CIT: variants seen among roughly 807,000 people sequenced by gnomAD.
CIT encodes citron rho-interacting serine/threonine kinase.
In CIT, 79 loss-of-function variants were observed where a neutral mutation model predicts 272.7. The ratio of observed to expected loss-of-function variants is 0.29; its 90% confidence interval spans 0.24 to 0.35. The LOEUF (loss-of-function observed/expected upper bound fraction) is 0.35. CIT is among the 10% of genes least tolerant of loss of function. The pLI is 1.00. For missense variants in CIT, 1,909 were observed against 2,618.3 expected (o/e 0.73, Z 5.91); for synonymous variants, 948 against 995.6 (o/e 0.95, Z 0.90).
Position 119,758,628 on chromosome 12 carries a change from G to T in CIT, c.2494C>A (p.Leu832Ile). Residue 832 changes from leucine to isoleucine, a missense_variant, in exon 21 of 48, where the codon CTT becomes ATT. Physicochemically the swap from Leu to Ile is conservative, Grantham distance 5. Transcript: ENST00000392521. The part of the protein sequence containing the change: ...RIVELSEANK[L>I]AANSSLFTQR... ...GTAAAAAGACTGCTATTTGCTGCAA[G>T]TTTATTGGCTTCAGACAGTTCCACA... 6.2e-7 allele frequency: 1 copy of T among 1,613,668 alleles called. No homozygotes were observed. Among genetic ancestry groups the T allele is most frequent in the Non-Finnish European group, 8.5e-7 (1 of 1,179,550 alleles).
chr12:119,848,621 A>G (rs1056491406), intron 5 of CIT, among the ~76,000 whole-genome samples: 6 of 152,250 alleles, frequency 3.9e-5, no homozygotes, highest in Non-Finnish European at 5.9e-5. Flanking sequence ...CTGACAAGGA[A>G]GAAAGGATGT....
chr12:119,818,587 G>A (rs370402970), intron 9 of CIT, among the ~76,000 whole-genome samples: 13 of 152,158 alleles, frequency 8.5e-5, no homozygotes, highest in African/African-American at 2.9e-4. Flanking sequence ...AGTCACTGCC[G>A]GATGGAAACA....
At position 119,687,948 on chromosome 12, in the gene CIT, A is replaced by C. The variant is rs1955668262; in HGVS notation, c.*284T>G. On this transcript the variant is annotated 3_prime_UTR_variant, in exon 48 of 48. Transcript: ENST00000392521. ...TGATGAACTAACTGGTACAGGCTAGAGCTAGGTACAAAAGTTTGTGAATGC... is the reference window on the plus strand; with the variant it reads ...TGATGAACTAACTGGTACAGGCTAGCGCTAGGTACAAAAGTTTGTGAATGC... 1 of 492,536 alleles carries C rather than the reference A, an allele frequency of 2.0e-6. No individual in the cohort carries two copies. Among genetic ancestry groups the C allele is most frequent in the Non-Finnish European group, 3.6e-6 (1 of 277,068 alleles). The allele number at this position is 492,536 out of a possible 1,614,324, so 30.5% of individuals were successfully genotyped here. A position where few individuals can be genotyped will look rare whatever the true frequency, so the allele number is the denominator to read the frequency against.
chr12:119,758,711 G>A lies in CIT; in HGVS notation c.2422-11C>T. Reference sequence around the variant, plus strand: ...CATAGCATTGATCATCTGAAACACAGGGCACCTATGAAACTTCACACACCA... The same window carrying A: ...CATAGCATTGATCATCTGAAACACAAGGCACCTATGAAACTTCACACACCA... On this transcript the variant is annotated splice_polypyrimidine_tract_variant and intron_variant, in intron 20 of 47. Transcript: ENST00000392521. The A allele has an allele frequency of 1.3e-6, 2 of 1,557,936 alleles. No individual in the cohort carries two copies. The highest frequency in any genetic ancestry group is 1.8e-6 in the Non-Finnish European group (2 of 1,128,832).
intron 4 of CIT, among the ~76,000 whole-genome samples, chr12:119,855,873 G>T (rs1970552659): frequency 6.6e-6 from 1 of 152,038 alleles, no homozygotes; most frequent in African/African-American, 2.4e-5. Context: ...AGCATCACAA[G>T]GTCAGGGCTA....
chr12:119,795,804 C>T (rs1965685718), intron 10 of CIT, among the ~76,000 whole-genome samples: 1 of 152,174 alleles, frequency 6.6e-6, no homozygotes, highest in Non-Finnish European at 1.5e-5. Flanking sequence ...ATATCAGCTA[C>T]CTCATAGAGT....
chr12:119,869,072 A>G lies in CIT; in HGVS notation c.226T>C (p.Phe76Leu). The G allele has an allele frequency of 1.2e-6, 2 of 1,610,460 alleles. No individual in the cohort carries two copies. The highest frequency in any genetic ancestry group is 1.7e-6 in the Non-Finnish European group (2 of 1,179,336). ...ALMKIKHVSN[F>L]VRKYSDTIAE... ...TCCCCAAACTTACACTTCCGGACAA[A>G]GTTGCTCACGTGCTTAATCTTCATC... Residue 76 changes from phenylalanine (F) to leucine (L), a missense_variant, in exon 3 of 48, where the codon TTT (phenylalanine) becomes CTT (leucine). By Grantham distance (22) the Phe-to-Leu change is conservative. This residue lies in a region of CIT where 529 missense variants were observed against 549.6 expected (regional missense o/e 0.96). Transcript: ENST00000392521.
intron 2 of CIT, among the ~76,000 whole-genome samples, chr12:119,875,758 G>C (rs1282633713): frequency 6.6e-6 from 1 of 152,118 alleles, no homozygotes; most frequent in African/African-American, 2.4e-5. Flanking sequence ...AAGGCAGGTG[G>C]ATCACTTGAG....
intron 20 of CIT, 102 bp downstream of exon 20, chr12:119,760,837 G>T (rs944612126): frequency 7.5e-6 from 6 of 801,132 alleles, no homozygotes; most frequent in Non-Finnish European, 6.5e-6. Context: ...GGATTCAACA[G>T]AAGGAATTTC....
chr12:119,818,956 C>T (rs1242943845), intron 9 of CIT, among the ~76,000 whole-genome samples: 1 of 152,102 alleles, frequency 6.6e-6, no homozygotes, highest in African/African-American at 2.4e-5. Context: ...GTACACGATG[C>T]CAGGCAAGGT....
chr12:119,716,534 T>G (rs1957496333), intron 32 of CIT, among the ~76,000 whole-genome samples: 1 of 152,046 alleles, frequency 6.6e-6, no homozygotes, highest in Non-Finnish European at 1.5e-5. Context: ...CAGGTTTGAT[T>G]GCAATGCCAT....
chr12:119,716,378 CAAAAAAAAAAAAAAAAAAAA>C (rs35690078), intron 32 of CIT, among the ~76,000 whole-genome samples: 9 of 17,804 alleles, frequency 5.1e-4, no homozygotes, highest in South Asian at 4.2e-3. Flanking sequence ...GACTCTGTCT[CAAAAAAAAAAAAAAAAAAAA>C]AAAAAAAAAA....
intron 4 of CIT, 72 bp downstream of exon 4, chr12:119,857,451 A>G (rs974730513): frequency 6.1e-6 from 9 of 1,483,672 alleles, no homozygotes; most frequent in Non-Finnish European, 8.3e-6. Context: ...ACGCCAGTGC[A>G]GCAGATTATC....
At position 119,701,878 on chromosome 12, in the gene CIT, T is replaced by C. The variant is rs567861274; in HGVS notation, c.5385A>G (p.Glu1795=). The change falls in exon 42 of 48, where the codon GAA becomes GAG. Residue 1795 remains glutamate (E), a synonymous_variant. Transcript: ENST00000392521. ...SILIGTNKFY[E]IDMKQYTLEE... ...CGAGCGTGTACTGCTTCATGTCGAT[T>C]TCGTAGAATTTATTGGTTCCAATGA... 5 of 1,614,142 alleles carry C rather than the reference T, an allele frequency of 3.1e-6. No individual in the cohort carries two copies. The Admixed American group carries it at 6.7e-5, about 22-fold the overall frequency.
intron 23 of CIT, among the ~76,000 whole-genome samples, chr12:119,747,917 A>C (rs1475953132): frequency 6.6e-6 from 1 of 152,180 alleles, no homozygotes; most frequent in Non-Finnish European, 1.5e-5. Context: ...TAATCCCAGC[A>C]CTTTGAGAGA....
At chr12:119,727,830 T>A (rs1238447767) in intron 28 of CIT, among the ~76,000 whole-genome samples, 1 of 151,674 alleles carries the variant, frequency 6.6e-6, no homozygotes, top group Non-Finnish European at 1.5e-5. Flanking sequence ...CTTAGGAGGC[T>A]GAGGTGGGAG....
At chr12:119,783,680 G>GC in intron 12 of CIT, 1 of 438,430 alleles carries the variant, frequency 2.3e-6, no homozygotes, top group Non-Finnish European at 4.0e-6. Context: ...CATGGTACCA[G>GC]CCGTCTACCT....
chr12:119,809,387 CAGA>C (rs1966775566), intron 9 of CIT, among the ~76,000 whole-genome samples: 1 of 152,126 alleles, frequency 6.6e-6, no homozygotes, highest in Non-Finnish European at 1.5e-5. Context: ...GAAATGATAA[CAGA>C]AACAGAGAGG....
At chr12:119,748,266 G>C (rs558307639) in intron 23 of CIT, among the ~76,000 whole-genome samples, 1 of 152,172 alleles carries the variant, frequency 6.6e-6, no homozygotes, top group African/African-American at 2.4e-5. Context: ...AAATGTGGAC[G>C]GACAGGTTGC....
Sources: gnomAD v4.1 joint callset for allele counts (sites outside exome capture counted in the v4.1 genomes callset) on GRCh38, gnomAD v4.1.1 for gene constraint, gnomAD v4.1.1 regional missense constraint, MANE v1.5 for transcripts, NCBI Gene and HGNC (gene_info 2026-07-23, HGNC 2026-07-21) for gene names.